FGF12: variants seen among roughly 807,000 people sequenced by gnomAD.
The protein encoded by FGF12 is fibroblast growth factor 12, also known as fibroblast growth factor 12B.
In FGF12, 14 loss-of-function variants were observed where a neutral mutation model predicts 23.6. The ratio of observed to expected loss-of-function variants is 0.59; its 90% CI spans 0.39 to 0.93. FGF12 has a LOEUF of 0.93. Among genes scored for constraint, FGF12 ranks in the 40% least tolerant of loss-of-function variants. The pLI, the probability that FGF12 is intolerant of heterozygous loss-of-function variation, is 0.00. For missense variants in FGF12, 175 were observed against 217.8 expected (o/e 0.80, Z 1.24); for synonymous variants, 62 against 77.3 (o/e 0.80, Z 1.04).
At chr3:192,457,578 T>C (rs1478285003) in intron 2 of FGF12, among the ~76,000 whole-genome samples, 1 of 152,164 alleles carries the variant, frequency 6.6e-6, no homozygotes, top group Non-Finnish European at 1.5e-5. Flanking sequence ...TTGAGAGAGA[T>C]GATTTAGGTA....
intron 2 of FGF12, among the ~76,000 whole-genome samples, chr3:192,662,010 C>T (rs1401773421): frequency 1.3e-5 from 2 of 152,232 alleles, no homozygotes; most frequent in Non-Finnish European, 2.9e-5. Context: ...AAATCCCTTT[C>T]ACTGATCTCC....
intron 2 of FGF12, among the ~76,000 whole-genome samples, chr3:192,602,228 C>G (rs1714143693): frequency 6.6e-6 from 1 of 152,068 alleles, no homozygotes; most frequent in Admixed American, 6.6e-5. Context: ...TAGGAACTTT[C>G]TGCTCAATTT....
chr3:192,265,580 A>G (rs1025691591), intron 4 of FGF12, among the ~76,000 whole-genome samples: 2 of 152,196 alleles, frequency 1.3e-5, no homozygotes, highest in Non-Finnish European at 2.9e-5. Flanking sequence ...AGAAATTAAA[A>G]AGAAGAATAT....
At chr3:192,627,852 A>ATGTGTGTGTGTGTGTGTG (rs138709721) in intron 2 of FGF12, among the ~76,000 whole-genome samples, 27 of 147,350 alleles carry the variant, frequency 1.8e-4, no homozygotes, top group Non-Finnish European at 3.5e-4. Flanking sequence ...GTGTGTGTGC[A>ATGTGTGTGTGTGTGTGTG]TGTGTGTGTG....
chr3:192,445,896 G>A (rs1722340385), intron 2 of FGF12, among the ~76,000 whole-genome samples: 1 of 152,156 alleles, frequency 6.6e-6, no homozygotes, highest in Admixed American at 6.6e-5. Flanking sequence ...CACCGTGACT[G>A]CAGAGTTATC....
At chr3:192,174,170 G>A (rs1201875550) in intron 4 of FGF12, among the ~76,000 whole-genome samples, 1 of 152,134 alleles carries the variant, frequency 6.6e-6, no homozygotes, top group Non-Finnish European at 1.5e-5. Context: ...ATTTATACAT[G>A]AGAAAAACAA....
chr3:192,158,918 C>T (rs924630769), intron 5 of FGF12, among the ~76,000 whole-genome samples: 3 of 152,002 alleles, frequency 2.0e-5, no homozygotes, highest in African/African-American at 4.8e-5. Context: ...TCTAGAGCGC[C>T]ATGGTGCACT....
intron 4 of FGF12, among the ~76,000 whole-genome samples, chr3:192,206,094 C>A (rs1460021427): frequency 1.3e-5 from 2 of 152,176 alleles, no homozygotes; most frequent in African/African-American, 4.8e-5. Context: ...GAAGCTTTAG[C>A]AGCAGACAGA....
At chr3:192,373,496 T>C (rs1719337034) in intron 2 of FGF12, among the ~76,000 whole-genome samples, 1 of 152,228 alleles carries the variant, frequency 6.6e-6, no homozygotes, top group South Asian at 2.1e-4. Flanking sequence ...CTTTTACCAC[T>C]GTAAATCAAT....
intron 4 of FGF12, among the ~76,000 whole-genome samples, chr3:192,170,895 C>A (rs76557545): frequency 1.3e-5 from 2 of 152,134 alleles, no homozygotes; most frequent in African/African-American, 2.4e-5. Context: ...CTTGAAGCTA[C>A]GTTAAAATCA....
rs1228199106 is a variant in FGF12 at position 192,589,357 on chromosome 3, T to C, written c.13+137824A>G. Among the ~76,000 whole-genome samples the C allele has an allele frequency of 3.3e-5, 5 of 150,792 alleles. No homozygotes were observed. The East Asian group carries it at 7.7e-4, about 23-fold the overall frequency. On this transcript the variant is annotated intron_variant, in intron 2 of 5. Coordinates refer to ENST00000445105, the MANE Select transcript of FGF12 (RefSeq NM_004113.6). ...TCAAAAAAAAAAAAAAGTCCTAAAA[T>C]TTTTTAAAAAAAGAAAACAACTGCT...
At chr3:192,455,228 A>G (rs1012628196) in intron 2 of FGF12, among the ~76,000 whole-genome samples, 1 of 152,188 alleles carries the variant, frequency 6.6e-6, no homozygotes, top group African/African-American at 2.4e-5. Flanking sequence ...TGGAGGAGAA[A>G]TACTGTTTCG....
At chr3:192,683,289 T>C (rs116062160) in intron 2 of FGF12, among the ~76,000 whole-genome samples, 4,701 of 152,286 alleles carry the variant, frequency 0.031, 252 homozygotes, top group African/African-American at 0.11. Flanking sequence ...GAGCGGTTAG[T>C]GTCAGATTTG....
At chr3:192,719,796 A>AC (rs1352866306) in intron 2 of FGF12, among the ~76,000 whole-genome samples, 6 of 141,564 alleles carry the variant, frequency 4.2e-5, no homozygotes, top group African/African-American at 1.7e-4. Flanking sequence ...CAAAAAAAAA[A>AC]AAAAAAAAGA....
intron 4 of FGF12, among the ~76,000 whole-genome samples, chr3:192,241,662 G>T (rs1425213579): frequency 6.6e-6 from 1 of 152,080 alleles, no homozygotes; most frequent in Non-Finnish European, 1.5e-5. Flanking sequence ...AAGCTTTAAA[G>T]ATGGGAAAGG....
intron 2 of FGF12, among the ~76,000 whole-genome samples, chr3:192,481,630 G>C (rs1195965428): frequency 6.6e-6 from 1 of 152,168 alleles, no homozygotes; most frequent in African/African-American, 2.4e-5. Context: ...TCCTATCCAT[G>C]GCCACAAGAG....
At chr3:192,184,619 AG>A (rs1716354548) in intron 4 of FGF12, among the ~76,000 whole-genome samples, 1 of 152,228 alleles carries the variant, frequency 6.6e-6, no homozygotes, top group Non-Finnish European at 1.5e-5. Context: ...GAAAATCAAT[AG>A]CCGTACTGCT....
chr3:192,721,913 T>C (rs1481496144), intron 2 of FGF12, among the ~76,000 whole-genome samples: 1 of 152,220 alleles, frequency 6.6e-6, no homozygotes, highest in Non-Finnish European at 1.5e-5. Context: ...TAAGACTTTA[T>C]ATTCTAGCCT....
intron 5 of FGF12, among the ~76,000 whole-genome samples, chr3:192,158,247 C>T (rs1714544979): frequency 6.6e-6 from 1 of 152,140 alleles, no homozygotes. Flanking sequence ...CCTTGTACCT[C>T]AAGCTTCCAA....
Sources: allele counts gnomAD v4.1 joint callset (sites outside exome capture counted in the v4.1 genomes callset), GRCh38; gene constraint gnomAD v4.1.1; transcripts MANE v1.5; gene names NCBI Gene and HGNC (gene_info 2026-07-23, HGNC 2026-07-21).